The following FAM53B variants were observed in gnomAD, a reference collection of about 807,000 sequenced individuals.
The protein encoded by FAM53B is family with sequence similarity 53 member B, also known as protein FAM53B.
FAM53B carries 12 observed loss-of-function variants against 32.7 expected under a neutral mutation model. That is an observed-to-expected ratio of 0.37 (90% CI 0.24 to 0.59). The LOEUF (loss-of-function observed/expected upper bound fraction) is 0.59, where lower values mean the gene tolerates loss of function less well. FAM53B is among the 20% of genes least tolerant of loss of function. The pLI, the probability that FAM53B is intolerant of heterozygous loss-of-function variation, is 0.72. For synonymous variants in FAM53B, 234 were observed against 228.7 expected (o/e 1.02, Z -0.21); for missense variants, 477 against 577.7 (o/e 0.83, Z 1.79).
At chr10:124,707,180 C>A (rs1301896834) in intron 1 of FAM53B, among the ~76,000 whole-genome samples, 1 of 152,156 alleles carries the variant, frequency 6.6e-6, no homozygotes, top group Non-Finnish European at 1.5e-5. Context: ...GTCTGGGTGG[C>A]TAACAATCTG....
chr10:124,719,941 T>G (rs1297163624), intron 1 of FAM53B, among the ~76,000 whole-genome samples: 2 of 152,144 alleles, frequency 1.3e-5, no homozygotes, highest in Non-Finnish European at 2.9e-5. Context: ...GGCAGGCAGA[T>G]CACCTGAGGT....
At chr10:124,633,737 C>T (rs527795525) in intron 4 of FAM53B, among the ~76,000 whole-genome samples, 1 of 152,062 alleles carries the variant, frequency 6.6e-6, no homozygotes, top group South Asian at 2.1e-4. Context: ...CAGGCAGCTA[C>T]ATTAAAGAAA....
chr10:124,687,162 C>A (rs1949807738), intron 3 of FAM53B, among the ~76,000 whole-genome samples: 1 of 152,166 alleles, frequency 6.6e-6, no homozygotes, highest in Admixed American at 6.5e-5. Flanking sequence ...GGTCAGATCA[C>A]CAGACAAAAG....
At chr10:124,690,478 C>G (rs1257512519) in intron 3 of FAM53B, among the ~76,000 whole-genome samples, 1 of 152,258 alleles carries the variant, frequency 6.6e-6, no homozygotes, top group Non-Finnish European at 1.5e-5. Context: ...GGCACCCAGA[C>G]AGGCTGGCAG....
At chr10:124,735,450 T>C (rs1253041279) in intron 1 of FAM53B, among the ~76,000 whole-genome samples, 1 of 152,232 alleles carries the variant, frequency 6.6e-6, no homozygotes, top group Non-Finnish European at 1.5e-5. Flanking sequence ...CAAACTAAAC[T>C]GTAATGCATA....
At chr10:124,632,423 C>G (rs7911370) in intron 4 of FAM53B, among the ~76,000 whole-genome samples, 1 of 152,170 alleles carries the variant, frequency 6.6e-6, no homozygotes, top group Non-Finnish European at 1.5e-5. Flanking sequence ...AGGGTTCTGG[C>G]GGGGGGCCGA....
At chr10:124,668,493 T>G (rs1949687397) in intron 4 of FAM53B, among the ~76,000 whole-genome samples, 1 of 152,280 alleles carries the variant, frequency 6.6e-6, no homozygotes, top group African/African-American at 2.4e-5. Flanking sequence ...GCAAGGGGGA[T>G]ACGGGCAATG....
At chr10:124,742,000 C>G (rs537379174) in intron 1 of FAM53B, among the ~76,000 whole-genome samples, 1 of 152,312 alleles carries the variant, frequency 6.6e-6, no homozygotes, top group South Asian at 2.1e-4. Context: ...AATGACTGCA[C>G]ATGAATCTCA....
intron 4 of FAM53B, among the ~76,000 whole-genome samples, chr10:124,626,401 C>T (rs915442676): frequency 9.1e-5 from 13 of 142,150 alleles, no homozygotes; most frequent in South Asian, 2.3e-4. Context: ...CCCCCCCCCC[C>T]CACCATTCCT....
chr10:124,682,751 G>A lies in FAM53B; in HGVS notation c.134-372C>T, dbSNP rs1165224330. The stretch of plus-strand genomic sequence containing the variant: ...TCGACTTGCCCTGAACCCTGCCCCT[G>A]GCTGATGAGAGAGTCGGGACAAGAC... On this transcript the variant is annotated intron_variant, in intron 3 of 4. Transcript: ENST00000337318. This position sits in a 1 kb window ranked among gnomAD's most constrained non-coding sequence, Gnocchi z 5.2. Among the ~76,000 whole-genome samples the A allele has an allele frequency of 3.3e-5, 5 of 152,234 alleles. No individual in the cohort carries two copies. The highest frequency in any genetic ancestry group is 4.1e-4 in the South Asian group (2 of 4,834).
At chr10:124,645,897 C>A (rs533376110) in intron 4 of FAM53B, among the ~76,000 whole-genome samples, 42 of 152,284 alleles carry the variant, frequency 2.8e-4, no homozygotes, top group African/African-American at 9.6e-4. Flanking sequence ...GGATGCCCTG[C>A]CGCCCAGCTC....
chr10:124,702,528 C>T (rs1949921700), intron 2 of FAM53B, among the ~76,000 whole-genome samples: 1 of 152,208 alleles, frequency 6.6e-6, no homozygotes, highest in South Asian at 2.1e-4. Flanking sequence ...AAGGCGATCA[C>T]AGCCTCTGGA....
At chr10:124,633,534 C>T (rs140574761) in intron 4 of FAM53B, among the ~76,000 whole-genome samples, 1 of 152,164 alleles carries the variant, frequency 6.6e-6, no homozygotes, top group South Asian at 2.1e-4. Context: ...CTAGCCCGTA[C>T]CATATAATAT....
In FAM53B at chr10:124,682,067, C is replaced by A. The variant is rs775274264; in HGVS notation, c.446G>T (p.Gly149Val). ...TPVEKRRCYS[G>V]GSVQRYSNGF... The stretch of plus-strand genomic sequence containing the variant: ...GTTGGAATAGCGCTGGACGCTGCCC[C>A]CGCTGTAGCAGCGTCTCTTTTCCAC... Residue 149 changes from glycine to valine, a missense_variant, in exon 4 of 5, where the codon GGG becomes GTG. Transcript: ENST00000337318. The surrounding 1 kb of genome is among the most constrained non-coding windows in gnomAD (Gnocchi z 5.2). 16 of 1,613,652 alleles carry A rather than the reference C, an allele frequency of 9.9e-6. No individual in the cohort carries two copies. The highest frequency in any genetic ancestry group is 1.3e-5 in the Non-Finnish European group (15 of 1,179,864).
At chr10:124,691,081 T>C (rs1949829977) in intron 3 of FAM53B, among the ~76,000 whole-genome samples, 1 of 152,232 alleles carries the variant, frequency 6.6e-6, no homozygotes, top group African/African-American at 2.4e-5. Context: ...CAATGCGCAA[T>C]CATTTTCCAC....
intron 4 of FAM53B, among the ~76,000 whole-genome samples, chr10:124,625,513 T>C (rs1442123645): frequency 2.0e-5 from 3 of 152,098 alleles, no homozygotes; most frequent in African/African-American, 7.2e-5. Flanking sequence ...CGGCGACCCC[T>C]GCACAACAGC....
At chr10:124,652,134 G>A (rs1186909951) in intron 4 of FAM53B, among the ~76,000 whole-genome samples, 1 of 152,128 alleles carries the variant, frequency 6.6e-6, no homozygotes, top group Admixed American at 6.5e-5. Flanking sequence ...TTCCACTTGG[G>A]TCCCAAGACT....
At chr10:124,623,752 T>TGA (rs1197498545) in intron 4 of FAM53B, 148 bp from the exon 5 acceptor site, 1 of 803,618 alleles carries the variant, frequency 1.2e-6, no homozygotes, top group Admixed American at 3.2e-5. Context: ...GACGGGCCCA[T>TGA]GAGCAACGTA....
chr10:124,646,436 G>A (rs1949515472), intron 4 of FAM53B, among the ~76,000 whole-genome samples: 1 of 152,252 alleles, frequency 6.6e-6, no homozygotes, highest in African/African-American at 2.4e-5. Context: ...AAGCGTGTAA[G>A]GAATCCCAGA....
Sources: allele counts gnomAD v4.1 joint callset (sites outside exome capture counted in the v4.1 genomes callset), GRCh38; gene constraint gnomAD v4.1.1; non-coding constraint Gnocchi (gnomAD v3.1); transcripts MANE v1.5; gene names NCBI Gene and HGNC (gene_info 2026-07-23, HGNC 2026-07-21).